EPM2A: variants seen among roughly 807,000 people sequenced by gnomAD.
EPM2A encodes the protein EPM2A glucan phosphatase, laforin, also known as laforin.
EPM2A carries 21 observed loss-of-function variants against 26.5 expected under a neutral mutation model. The ratio of observed to expected loss-of-function variants is 0.79; its 90% CI spans 0.56 to 1.14. The LOEUF (loss-of-function observed/expected upper bound fraction) is 1.14, where lower values mean the gene tolerates loss of function less well. Ranked by LOEUF, EPM2A falls within the 50% of genes most tolerant of loss-of-function variation. The pLI is 0.00. For missense variants in EPM2A, 458 were observed against 440.8 expected, an observed-to-expected ratio of 1.04 and a Z score of -0.35; for synonymous variants, 217 against 177.6, an observed-to-expected ratio of 1.22 and a Z score of -1.76.
At chr6:145,511,029 C>T (rs1780048309) in intron 2 of EPM2A, among the ~76,000 whole-genome samples, 1 of 152,030 alleles carries the variant, frequency 6.6e-6, no homozygotes, top group South Asian at 2.1e-4. Flanking sequence ...CACAACTTCC[C>T]ATGATTGAAC....
chr6:145,491,698 G>A, intron 4 of EPM2A: 2 of 460,166 alleles, frequency 4.3e-6, no homozygotes, highest in South Asian at 3.3e-5. Context: ...CCTTGCCGGG[G>A]ACCTGTCCTC....
rs774234576 is a variant in EPM2A, at chr6:145,627,536, C to T, written c.876G>A (p.Val292=). ...GCCTCTTGGCCATGAGGAAATACTGCACCTTCCTCAGATTCCAGCCCATCA... is the reference window on the plus strand; with the variant it reads ...GCCTCTTGGCCATGAGGAAATACTGTACCTTCCTCAGATTCCAGCCCATCA... ...QYVMGWNLRK[V]QYFLMAKRPA... The change falls in exon 4 of 4, where the codon GTG becomes GTA. Residue 292 remains valine, a synonymous_variant. Coordinates refer to ENST00000367519, the MANE Select transcript of EPM2A (RefSeq NM_005670.4). 227 of 1,614,130 alleles carry T rather than the reference C, an allele frequency of 1.4e-4. 1 individual carries two copies. The highest frequency in any genetic ancestry group is 3.3e-5 in the Admixed American group (2 of 60,016).
At chr6:145,510,969 A>G (rs555495822) in intron 2 of EPM2A, among the ~76,000 whole-genome samples, 16 of 152,160 alleles carry the variant, frequency 1.1e-4, no homozygotes, top group Non-Finnish European at 1.9e-4. Flanking sequence ...GAACATGTCT[A>G]TGTGCACAGA....
At chr6:145,528,464 T>G (rs1406918423) in intron 2 of EPM2A, among the ~76,000 whole-genome samples, 1 of 152,132 alleles carries the variant, frequency 6.6e-6, no homozygotes, top group African/African-American at 2.4e-5. Flanking sequence ...TTCAAAAATG[T>G]TAGAGCCCTT....
intron 2 of EPM2A, among the ~76,000 whole-genome samples, chr6:145,669,323 T>C (rs1169488016): frequency 6.6e-6 from 1 of 152,178 alleles, no homozygotes; most frequent in Admixed American, 6.5e-5. Context: ...GTAAGTAATA[T>C]ATGCATTTTG....
intron 4 of EPM2A, among the ~76,000 whole-genome samples, chr6:145,408,686 T>C (rs571115381): frequency 6.6e-6 from 1 of 152,310 alleles, no homozygotes; most frequent in East Asian, 1.9e-4. Flanking sequence ...AATGTGGTAC[T>C]GTCTTAGTCA....
At chr6:145,693,913 G>T (rs1334743716) in intron 1 of EPM2A, among the ~76,000 whole-genome samples, 2 of 151,892 alleles carry the variant, frequency 1.3e-5, no homozygotes, top group Non-Finnish European at 2.9e-5. Flanking sequence ...TAAGGGAACT[G>T]CTGTCTGGCA....
intron 4 of EPM2A, among the ~76,000 whole-genome samples, chr6:145,435,786 G>T (rs1778982156): frequency 6.6e-6 from 1 of 151,782 alleles, no homozygotes. Context: ...TTTTGTTGTT[G>T]TTGTTGTTAA....
At chr6:145,443,560 T>C (rs1039827480) in intron 4 of EPM2A, among the ~76,000 whole-genome samples, 14 of 152,242 alleles carry the variant, frequency 9.2e-5, no homozygotes, top group African/African-American at 3.4e-4. Flanking sequence ...GGAATGCTAC[T>C]GACTTTCATA....
intron 4 of EPM2A, among the ~76,000 whole-genome samples, chr6:145,423,091 C>T (rs1778810635): frequency 6.6e-6 from 1 of 152,020 alleles, no homozygotes; most frequent in South Asian, 2.1e-4. Flanking sequence ...ATACTCTCTG[C>T]CTGCAGACCC....
intron 2 of EPM2A, among the ~76,000 whole-genome samples, chr6:145,600,851 C>T (rs755163471): frequency 1.3e-5 from 2 of 152,174 alleles, no homozygotes; most frequent in Non-Finnish European, 2.9e-5. Context: ...ATTTCTTCAG[C>T]AGAGTGTCTT....
At chr6:145,489,528 T>C (rs1779727923) in intron 4 of EPM2A, 1 of 627,636 alleles carries the variant, frequency 1.6e-6, no homozygotes, top group Non-Finnish European at 2.7e-6. Flanking sequence ...AACAAATAGC[T>C]TAACTTTGGT....
At chr6:145,584,021 G>A (rs1420948247) in intron 2 of EPM2A, among the ~76,000 whole-genome samples, 1 of 152,198 alleles carries the variant, frequency 6.6e-6, no homozygotes, top group Non-Finnish European at 1.5e-5. Flanking sequence ...AGTGGGTGGG[G>A]CAGCATAGTG....
At chr6:145,491,770 T>C (rs1779758548) in intron 4 of EPM2A, 1 of 532,716 alleles carries the variant, frequency 1.9e-6, no homozygotes, top group Admixed American at 1.9e-5. Context: ...TGTACAACTC[T>C]GCTGCTTTCC....
intron 2 of EPM2A, among the ~76,000 whole-genome samples, chr6:145,547,525 C>A (rs1372969844): frequency 6.6e-6 from 1 of 152,132 alleles, no homozygotes; most frequent in Non-Finnish European, 1.5e-5. Flanking sequence ...TACATGGAAG[C>A]ACATTCTACA....
At chr6:145,441,212 C>G (rs1256454254) in intron 4 of EPM2A, among the ~76,000 whole-genome samples, 1 of 152,236 alleles carries the variant, frequency 6.6e-6, no homozygotes, top group Non-Finnish European at 1.5e-5. Flanking sequence ...GGCGCTTGCA[C>G]CCTCTGAAGC....
At chr6:145,397,211 G>C (rs1040530438) in intron 4 of EPM2A, among the ~76,000 whole-genome samples, 1 of 152,136 alleles carries the variant, frequency 6.6e-6, no homozygotes. Flanking sequence ...CAGGAGGATA[G>C]CTTGAGGATA....
chr6:145,726,589 A>T (rs2128642396), intron 1 of EPM2A, among the ~76,000 whole-genome samples: 1 of 152,286 alleles, frequency 6.6e-6, no homozygotes, highest in East Asian at 1.9e-4. Context: ...TTAATAGTAT[A>T]GATCCTTGAT....
chr6:145,654,727 G>C (rs534938209), intron 2 of EPM2A, among the ~76,000 whole-genome samples: 41 of 152,256 alleles, frequency 2.7e-4, no homozygotes, highest in Middle Eastern at 3.4e-3. Context: ...AAAATGGAGA[G>C]TTTAGCTTAT....
Sources: gnomAD v4.1 joint callset for allele counts (sites outside exome capture counted in the v4.1 genomes callset) on GRCh38, gnomAD v4.1.1 for gene constraint, MANE v1.5 for transcripts, NCBI Gene and HGNC (gene_info 2026-07-23, HGNC 2026-07-21) for gene names.